The following DCLK1 variants were observed in gnomAD, a reference collection of about 807,000 sequenced individuals.
The protein encoded by DCLK1 is serine/threonine-protein kinase DCLK1.
In DCLK1, 16 loss-of-function variants were observed where a neutral mutation model predicts 86.2. That is an observed-to-expected ratio of 0.19 (90% confidence interval 0.13 to 0.28). The LOEUF is 0.28. Ranked by LOEUF, DCLK1 falls within the 10% of genes least tolerant of loss-of-function variation. The probability of loss-of-function intolerance (pLI) is 1.00; values close to 1 mark genes in which losing one functional copy is unlikely to be tolerated. For missense variants in DCLK1, 590 were observed against 940.2 expected, an observed-to-expected ratio of 0.63 and a Z score of 4.87; for synonymous variants, 369 against 370.5, an observed-to-expected ratio of 1.00 and a Z score of 0.05.
At chr13:35,780,723 C>G (rs1318751657) in intron 16 of DCLK1, among the ~76,000 whole-genome samples, 1 of 152,192 alleles carries the variant, frequency 6.6e-6, no homozygotes, top group African/African-American at 2.4e-5. Context: ...ATCTGTAAGC[C>G]CTGGCTTATC....
intron 16 of DCLK1, among the ~76,000 whole-genome samples, chr13:35,782,921 T>A (rs1247852579): frequency 6.6e-6 from 1 of 152,274 alleles, no homozygotes; most frequent in Non-Finnish European, 1.5e-5. Context: ...ACTACTCAAC[T>A]CTGCTGCTGT....
At chr13:35,937,215 C>G (rs192247528) in intron 4 of DCLK1, among the ~76,000 whole-genome samples, 1 of 151,932 alleles carries the variant, frequency 6.6e-6, no homozygotes, top group East Asian at 2.0e-4. Context: ...CCTCATGATC[C>G]GCCCGCCTCA....
intron 8 of DCLK1, among the ~76,000 whole-genome samples, chr13:35,830,169 T>G (rs8002477): frequency 0.21 from 32,066 of 151,926 alleles, 3,538 homozygotes; most frequent in Admixed American, 0.31. Flanking sequence ...GCGGATCACT[T>G]GAGGTCAGGA....
intron 5 of DCLK1, among the ~76,000 whole-genome samples, chr13:35,866,527 A>C (rs1871804366): frequency 6.7e-6 from 1 of 149,528 alleles, no homozygotes; most frequent in Non-Finnish European, 1.5e-5. Context: ...ATCTCGACTC[A>C]CTGCAACCTC....
chr13:35,802,883 G>A (rs917213342), intron 15 of DCLK1, among the ~76,000 whole-genome samples: 3 of 152,174 alleles, frequency 2.0e-5, no homozygotes, highest in African/African-American at 7.2e-5. Context: ...ACCAACCACT[G>A]CCACCCAGAG....
At chr13:36,030,589 G>A (rs575998280) in intron 3 of DCLK1, among the ~76,000 whole-genome samples, 15 of 151,650 alleles carry the variant, frequency 9.9e-5, no homozygotes, top group Non-Finnish European at 1.9e-4. Context: ...TTACAGGCGT[G>A]AGCCACCATG....
chr13:35,774,436 C>G lies in DCLK1; in HGVS notation c.*99G>C. ...TCAGTTCTGCCATTCAAGCATTGAGCGCTAGATAGATCAGATGAAACTGTT... is the reference window on the plus strand; with the variant it reads ...TCAGTTCTGCCATTCAAGCATTGAGGGCTAGATAGATCAGATGAAACTGTT... On this transcript the variant is annotated 3_prime_UTR_variant, in exon 17 of 17. Transcript: ENST00000360631. 7.1e-7 allele frequency: 1 copy of G among 1,401,974 alleles called. No individual in the cohort carries two copies. Among genetic ancestry groups the G allele is most frequent in the Non-Finnish European group, 9.7e-7 (1 of 1,030,044 alleles). 86.8% of individuals were successfully genotyped at this position (1,401,974 alleles called of 1,614,324 possible). A position where few individuals can be genotyped will look rare whatever the true frequency, so the allele number is the denominator to read the frequency against.
intron 4 of DCLK1, among the ~76,000 whole-genome samples, chr13:35,917,634 A>G (rs1875499183): frequency 6.6e-6 from 1 of 152,214 alleles, no homozygotes; most frequent in South Asian, 2.1e-4. Flanking sequence ...AAATTAAACA[A>G]CAACTGAAAA....
At chr13:35,942,129 G>T (rs1877117781) in intron 4 of DCLK1, among the ~76,000 whole-genome samples, 1 of 152,018 alleles carries the variant, frequency 6.6e-6, no homozygotes, top group Admixed American at 6.6e-5. Context: ...CCTCCCTGAT[G>T]GTTCGAATCC....
intron 11 of DCLK1, among the ~76,000 whole-genome samples, chr13:35,813,663 T>C (rs2087200609): frequency 1.3e-5 from 2 of 150,934 alleles, no homozygotes; most frequent in African/African-American, 4.9e-5. Context: ...CATAGAACCA[T>C]AATTGTGATG....
intron 3 of DCLK1, among the ~76,000 whole-genome samples, chr13:35,997,907 A>G (rs1243917642): frequency 6.6e-6 from 1 of 152,182 alleles, no homozygotes; most frequent in Non-Finnish European, 1.5e-5. Context: ...CTTATTACTG[A>G]TATTTAATAT....
chr13:35,864,252 G>C (rs1274871619), intron 5 of DCLK1, among the ~76,000 whole-genome samples: 2 of 152,034 alleles, frequency 1.3e-5, no homozygotes, highest in African/African-American at 2.4e-5. Flanking sequence ...CTAAATACAG[G>C]GTATCATTCT....
intron 4 of DCLK1, among the ~76,000 whole-genome samples, chr13:35,900,242 C>T (rs1593714375): frequency 2.1e-5 from 3 of 141,840 alleles, no homozygotes; most frequent in East Asian, 2.1e-4. Context: ...ACTAAATAAA[C>T]TTTTTTTTTT....
chr13:36,100,217 C>CAA (rs1885168463), intron 3 of DCLK1, among the ~76,000 whole-genome samples: 2 of 119,178 alleles, frequency 1.7e-5, no homozygotes, highest in African/African-American at 6.2e-5. Context: ...AAAAAAACCA[C>CAA]ACACACACAA....
Position 35,841,390 on chromosome 13 carries a change from C to T in DCLK1, c.1036-2214G>A, listed in dbSNP as rs1029917821. ...ATAAACTTGTGGGCTTTCACTCAACCGCCTTATCAACTAATGAATTGGATT... is the reference window on the plus strand; with the variant it reads ...ATAAACTTGTGGGCTTTCACTCAACTGCCTTATCAACTAATGAATTGGATT... On this transcript the variant is annotated intron_variant, in intron 6 of 16. Transcript: ENST00000360631. Among the ~76,000 whole-genome samples the T allele has an allele frequency of 3.9e-5, 6 of 152,024 alleles. No homozygotes were observed. The South Asian group carries it at 6.2e-4, about 16-fold the overall frequency.
intron 5 of DCLK1, chr13:35,868,989 C>G: frequency 2.5e-6 from 1 of 405,790 alleles, no homozygotes; most frequent in Non-Finnish European, 5.0e-6. Flanking sequence ...TGGGGTTTCA[C>G]TACATTGGCC....
rs142454391 is a variant in DCLK1, at chr13:35,952,283, C to T, written c.724-4826G>A. Among the ~76,000 whole-genome samples the T allele has an allele frequency of 2.9e-3, 434 of 152,190 alleles. 1 individual carries two copies. The highest frequency in any genetic ancestry group is 0.01 in the African/African-American group (416 of 41,520). On this transcript the variant is annotated intron_variant, in intron 3 of 16. Coordinates refer to ENST00000360631, the MANE Select transcript of DCLK1 (RefSeq NM_001330071.2). ...GTTGATTTGAAGAAAATGTAGCAAA[C>T]GCGTGCCTATTCTTGCTTTGGGAAT...
chr13:35,975,710 C>T (rs1879296962), intron 3 of DCLK1, among the ~76,000 whole-genome samples: 1 of 152,168 alleles, frequency 6.6e-6, no homozygotes, highest in Admixed American at 6.5e-5. Context: ...GCTCAGGCTT[C>T]CTCCCTTGAT....
chr13:36,117,303 A>G (rs1885823798), intron 2 of DCLK1, among the ~76,000 whole-genome samples: 1 of 152,202 alleles, frequency 6.6e-6, no homozygotes, highest in Non-Finnish European at 1.5e-5. Flanking sequence ...GATAAAAACA[A>G]AACAAAGAAT....
Sources: allele counts gnomAD v4.1 joint callset (sites outside exome capture counted in the v4.1 genomes callset), GRCh38; gene constraint gnomAD v4.1.1; transcripts MANE v1.5; gene names NCBI Gene and HGNC (gene_info 2026-07-23, HGNC 2026-07-21).